The following HM13 variants were observed in gnomAD, a reference collection of about 807,000 sequenced individuals.
HM13 encodes the protein signal peptide peptidase.
HM13 carries 18 observed loss-of-function variants against 50.0 expected under a neutral mutation model. That is an observed-to-expected ratio of 0.36 (90% CI 0.25 to 0.53). The LOEUF (loss-of-function observed/expected upper bound fraction) is 0.53, where lower values mean the gene tolerates loss of function less well. Ranked by LOEUF, HM13 falls within the 20% of genes least tolerant of loss-of-function variation. HM13 has a pLI of 0.90. For missense variants in HM13, 393 were observed against 552.4 expected, an observed-to-expected ratio of 0.71 and a Z score of 2.89; for synonymous variants, 197 against 232.6, an observed-to-expected ratio of 0.85 and a Z score of 1.39.
chr20:31,548,930 TCA>T (rs1286941004), intron 4 of HM13, 97 bp from the exon 5 acceptor site: 4 of 1,049,232 alleles, frequency 3.8e-6, no homozygotes, highest in South Asian at 3.8e-5. Context: ...TGTGAACCTC[TCA>T]CAGTGCCCAC....
chr20:31,546,754 C>CAAA (rs542344354), intron 4 of HM13, among the ~76,000 whole-genome samples: 2 of 116,786 alleles, frequency 1.7e-5, no homozygotes, highest in African/African-American at 2.9e-5. Flanking sequence ...GACCCTGTCT[C>CAAA]AAAAAAAAAA....
chr20:31,548,469 C>T (rs1034946562), intron 4 of HM13: 6 of 186,876 alleles, frequency 3.2e-5, no homozygotes, highest in African/African-American at 1.4e-4. Context: ...TGAACTGAGG[C>T]TGCCGCTAAC....
At chr20:31,545,927 C>T (rs1455837329) in intron 4 of HM13, among the ~76,000 whole-genome samples, 1 of 152,064 alleles carries the variant, frequency 6.6e-6, no homozygotes, top group Non-Finnish European at 1.5e-5. Context: ...AAACTCCTGA[C>T]CTCAAGTGAT....
chr20:31,556,859 A>C (rs527557918), intron 8 of HM13, among the ~76,000 whole-genome samples: 2 of 152,162 alleles, frequency 1.3e-5, no homozygotes, highest in East Asian at 3.9e-4. Context: ...TCTCTACTAA[A>C]AATACAAAAA....
At chr20:31,532,706 CTCCCTCTGTTTCCTTT>C (rs1982889841) in intron 2 of HM13, among the ~76,000 whole-genome samples, 1 of 152,190 alleles carries the variant, frequency 6.6e-6, no homozygotes, top group Admixed American at 6.5e-5. Flanking sequence ...GTGCATTGAT[CTCCCTCTGTTTCCTTT>C]TCCGCTCTCT....
At chr20:31,564,851 CAAAAA>C (rs11476071) in intron 10 of HM13, among the ~76,000 whole-genome samples, 10 of 116,690 alleles carry the variant, frequency 8.6e-5, no homozygotes, top group Middle Eastern at 4.9e-3. Flanking sequence ...CTCAAAATCA[CAAAAA>C]AAAAAAAAAA....
intron 7 of HM13, 85 bp downstream of exon 7, chr20:31,550,206 C>T: frequency 2.1e-6 from 2 of 955,886 alleles, no homozygotes; most frequent in Non-Finnish European, 3.4e-6. Context: ...CAGTGCATCT[C>T]CCTATCTCTT....
intron 8 of HM13, among the ~76,000 whole-genome samples, chr20:31,555,606 G>T (rs181934930): frequency 6.6e-5 from 10 of 152,262 alleles, no homozygotes; most frequent in East Asian, 3.9e-4. Context: ...GCCCAGTTGT[G>T]GGGGCAGTGA....
intron 7 of HM13, among the ~76,000 whole-genome samples, chr20:31,553,677 T>A (rs1470478762): frequency 2.0e-5 from 3 of 152,058 alleles, no homozygotes; most frequent in Non-Finnish European, 4.4e-5. Flanking sequence ...AATCCAGTTA[T>A]AACCTCCTTT....
chr20:31,569,233 C>T lies in HM13; in HGVS notation c.*14C>T, dbSNP rs745308953. On this transcript the variant is annotated 3_prime_UTR_variant, in exon 13 of 13. Coordinates refer to ENST00000398174, the MANE Select transcript of HM13 (RefSeq NM_178581.3). ...AAAGAGAAATGATGCAGCTGGTGCC[C>T]GAGCCTCTCAGGGCCAGACCAGACA... 4 of 1,537,282 alleles carry T rather than the reference C, an allele frequency of 2.6e-6. No homozygotes were observed. Among genetic ancestry groups the T allele is most frequent in the Non-Finnish European group, 2.7e-6 (3 of 1,130,202 alleles).
intron 1 of HM13, among the ~76,000 whole-genome samples, chr20:31,522,038 A>G: frequency 6.6e-6 from 1 of 152,052 alleles, no homozygotes; most frequent in East Asian, 1.9e-4. Context: ...AAAGGAGACC[A>G]GAGTCCTCTG....
At chr20:31,565,549 T>C (rs535959628) in intron 10 of HM13, among the ~76,000 whole-genome samples, 10 of 151,666 alleles carry the variant, frequency 6.6e-5, no homozygotes, top group Middle Eastern at 3.5e-3. Flanking sequence ...TTGTGAAGCA[T>C]TGGTCTTCCT....
chr20:31,552,708 G>A (rs1984093058), intron 7 of HM13, among the ~76,000 whole-genome samples: 1 of 152,188 alleles, frequency 6.6e-6, no homozygotes, highest in Non-Finnish European at 1.5e-5. Context: ...TTCTAGAACT[G>A]TAAAATGGTG....
chr20:31,559,675 T>C (rs1464906537), intron 9 of HM13, 28 bp downstream of exon 9: 2 of 1,612,680 alleles, frequency 1.2e-6, no homozygotes, highest in African/African-American at 1.3e-5. Flanking sequence ...TGCCCCAGCA[T>C]GGGCTTCTCC....
chr20:31,534,837 G>A (rs944150632), intron 2 of HM13, among the ~76,000 whole-genome samples: 2 of 152,142 alleles, frequency 1.3e-5, no homozygotes, highest in African/African-American at 4.8e-5. Flanking sequence ...TGTAATCCCA[G>A]CACTTTGGGA....
At chr20:31,560,023 C>T (rs6059982) in intron 9 of HM13, among the ~76,000 whole-genome samples, 1 of 152,012 alleles carries the variant, frequency 6.6e-6, no homozygotes, top group Non-Finnish European at 1.5e-5. Flanking sequence ...TGACCTCAGT[C>T]GCTCTTGGTT....
intron 7 of HM13, among the ~76,000 whole-genome samples, chr20:31,551,050 T>C (rs1414903752): frequency 6.6e-6 from 1 of 152,242 alleles, no homozygotes; most frequent in East Asian, 1.9e-4. Flanking sequence ...TTATGTATAA[T>C]GTGAATTTCA....
At chr20:31,560,653 T>C (rs1984550844) in intron 9 of HM13, among the ~76,000 whole-genome samples, 1 of 152,236 alleles carries the variant, frequency 6.6e-6, no homozygotes, top group Admixed American at 6.5e-5. Context: ...GCCCCCAGGC[T>C]ATTTGCTGGA....
chr20:31,539,368 G>A (rs1983302488), intron 3 of HM13: 3 of 985,364 alleles, frequency 3.0e-6, no homozygotes, highest in African/African-American at 1.7e-5. Context: ...GTTCCCAGAA[G>A]GAAGGAACTC....
Sources: allele counts gnomAD v4.1 joint callset (sites outside exome capture counted in the v4.1 genomes callset), GRCh38; gene constraint gnomAD v4.1.1; transcripts MANE v1.5; gene names NCBI Gene and HGNC (gene_info 2026-07-23, HGNC 2026-07-21).